TMEM164: variants seen among roughly 807,000 people sequenced by gnomAD.
TMEM164 encodes transmembrane protein 164.
In TMEM164, 4 loss-of-function variants were observed where a neutral mutation model predicts 18.8. The observed-to-expected ratio is 0.21, with a 90% CI of 0.10 to 0.49. The LOEUF is 0.49. Ranked by LOEUF, TMEM164 falls within the 20% of genes least tolerant of loss-of-function variation. The pLI, the probability that TMEM164 is intolerant of heterozygous loss-of-function variation, is 0.98. For missense variants in TMEM164, 108 were observed against 239.9 expected (o/e 0.45, Z 3.63); for synonymous variants, 86 against 101.7 (o/e 0.85, Z 0.93).
intron 4 of TMEM164, among the ~76,000 whole-genome samples, chrX:110,124,176 A>AAGGCAGGCAGGCAGGC (rs1182349521): frequency 3.9e-5 from 3 of 77,167 alleles, no homozygotes; most frequent in African/African-American, 1.5e-4. Context: ...GGAAGGAAGG[A>AAGGCAGGCAGGCAGGC]AGGCAGGAAG....
At chrX:110,126,628 T>G (rs2066532936) in intron 4 of TMEM164, among the ~76,000 whole-genome samples, 2 of 111,529 alleles carry the variant, frequency 1.8e-5, no homozygotes, top group Non-Finnish European at 3.8e-5. Context: ...GCCCTTATAG[T>G]TTATAGTTTA....
intron 2 of TMEM164, among the ~76,000 whole-genome samples, chrX:110,033,418 T>C (rs765991951): frequency 4.5e-5 from 5 of 112,215 alleles, no homozygotes; most frequent in African/African-American, 1.6e-4. Context: ...TATGTTTTAT[T>C]TGAAAAGAAA....
At chrX:110,093,166 A>G (rs756198127) in intron 3 of TMEM164, among the ~76,000 whole-genome samples, 1 of 111,658 alleles carries the variant, frequency 9.0e-6, no homozygotes, top group Admixed American at 9.5e-5. Flanking sequence ...TTGGTCTAAA[A>G]TTCTCTTTTT....
intron 2 of TMEM164, among the ~76,000 whole-genome samples, chrX:110,023,645 T>C (rs1271634434): frequency 9.0e-6 from 1 of 111,575 alleles, no homozygotes; most frequent in African/African-American, 3.3e-5. Flanking sequence ...TCCTGTGGAA[T>C]AGATGCTATT....
At chrX:110,131,823 T>C (rs755908784) in intron 4 of TMEM164, among the ~76,000 whole-genome samples, 1 of 112,368 alleles carries the variant, frequency 8.9e-6, no homozygotes, top group East Asian at 2.8e-4. Context: ...CACCATCTTG[T>C]ATACTCAAAA....
intron 3 of TMEM164, among the ~76,000 whole-genome samples, chrX:110,104,426 T>A (rs1394288174): frequency 9.0e-6 from 1 of 111,691 alleles, no homozygotes; most frequent in Non-Finnish European, 1.9e-5. Context: ...TTTCATGGTG[T>A]TTAGTGCAAT....
intron 5 of TMEM164, among the ~76,000 whole-genome samples, chrX:110,151,317 A>T (rs1318152949): frequency 2.7e-5 from 3 of 111,738 alleles, no homozygotes; most frequent in Non-Finnish European, 5.6e-5. Context: ...AATCCATGAA[A>T]GTTGTACCAG....
At position 110,173,099 on chromosome X, in the gene TMEM164, G is replaced by T. The variant is rs930944562; in HGVS notation, c.688-146G>T. On this transcript the variant is annotated intron_variant, in intron 6 of 6. Transcript: ENST00000372068. ...CTTGACTCACTCAGAAAACCGAGGG[G>T]AGAGAAGAAATCCCTTTATAAACAG... 5 of 556,194 alleles carry T rather than the reference G, an allele frequency of 9.0e-6. No individual in the cohort carries two copies. The African/African-American group carries it at 1.2e-4, about 13-fold the overall frequency. The allele number at this position is 556,194 out of a possible 1,213,427, so 45.8% of individuals were successfully genotyped here.
chrX:110,178,359 G>C (rs990996045), downstream of TMEM164, among the ~76,000 whole-genome samples: 2 of 112,187 alleles, frequency 1.8e-5, no homozygotes, highest in Non-Finnish European at 3.8e-5. Flanking sequence ...GATAGGGAGG[G>C]GTAGCAGAAC....
chrX:110,134,953 C>T (rs1459831001), intron 4 of TMEM164, among the ~76,000 whole-genome samples: 1 of 111,133 alleles, frequency 9.0e-6, no homozygotes, highest in African/African-American at 3.3e-5. Flanking sequence ...CCTCCTACTC[C>T]CCAGAGAGAA....
intron 3 of TMEM164, among the ~76,000 whole-genome samples, chrX:110,096,279 C>G (rs1252238824): frequency 8.9e-6 from 1 of 112,822 alleles, no homozygotes; most frequent in African/African-American, 3.2e-5. Flanking sequence ...TGCCCTGTCC[C>G]CAGAGGTGGA....
At chrX:110,131,800 C>T (rs993476294) in intron 4 of TMEM164, among the ~76,000 whole-genome samples, 1 of 111,947 alleles carries the variant, frequency 8.9e-6, no homozygotes, top group African/African-American at 3.3e-5. Context: ...GACTGGACTT[C>T]GAAGTCCTGA....
At chrX:110,125,801 A>G (rs2066520880) in intron 4 of TMEM164, among the ~76,000 whole-genome samples, 1 of 112,550 alleles carries the variant, frequency 8.9e-6, no homozygotes, top group South Asian at 3.6e-4. Context: ...ATGGAACTCA[A>G]AGGAGACGTG....
At chrX:110,169,056 A>G (rs776274594) in intron 5 of TMEM164, among the ~76,000 whole-genome samples, 2 of 112,024 alleles carry the variant, frequency 1.8e-5, no homozygotes, top group East Asian at 5.6e-4. Flanking sequence ...TTGATAAGTG[A>G]TGGGGCCAGG....
chrX:110,075,394 C>T (rs180996429), intron 3 of TMEM164, among the ~76,000 whole-genome samples: 4 of 111,301 alleles, frequency 3.6e-5, no homozygotes, highest in Admixed American at 1.9e-4. Context: ...AGAATTATAT[C>T]GTCAGTGAAG....
chrX:110,109,178 A>T (rs755118477), intron 4 of TMEM164, 32 bp downstream of exon 4: 1 of 1,161,703 alleles, frequency 8.6e-7, no homozygotes, highest in Non-Finnish European at 1.2e-6. Context: ...TGTAACAGCA[A>T]CATGCAAAGC....
intron 3 of TMEM164, among the ~76,000 whole-genome samples, chrX:110,106,761 G>A (rs1426535683): frequency 8.9e-6 from 1 of 111,757 alleles, no homozygotes; most frequent in East Asian, 2.8e-4. Flanking sequence ...TCACATAGGA[G>A]GGCCCAGGGG....
chrX:110,026,506 G>C (rs1934198583), intron 2 of TMEM164, among the ~76,000 whole-genome samples: 1 of 111,140 alleles, frequency 9.0e-6, no homozygotes, highest in African/African-American at 3.3e-5. Flanking sequence ...AGATGTATTG[G>C]AGTCCAATAG....
chrX:110,005,181 A>G lies in TMEM164; in HGVS notation c.390+1017A>G, dbSNP rs559849884. 7.1e-5 allele frequency among the ~76,000 whole-genome samples: 8 copies of G among 112,187 alleles called. No homozygotes were observed. The South Asian group carries it at 3.0e-3, about 42-fold the overall frequency. ...TGTCATTAGCATCTTTACTGCCTTTATGTTTGTAGAAGGTTATTCTTTGGA... is the reference window on the plus strand; with the variant it reads ...TGTCATTAGCATCTTTACTGCCTTTGTGTTTGTAGAAGGTTATTCTTTGGA... On this transcript the variant is annotated intron_variant, in intron 2 of 6. Coordinates refer to ENST00000372068, the MANE Select transcript of TMEM164 (RefSeq NM_032227.4).
Sources: allele counts gnomAD v4.1 joint callset (sites outside exome capture counted in the v4.1 genomes callset), GRCh38; gene constraint gnomAD v4.1.1; transcripts MANE v1.5; gene names NCBI Gene and HGNC (gene_info 2026-07-23, HGNC 2026-07-21).